Variants in BOC observed in about 807,000 individuals in gnomAD.
The protein encoded by BOC is brother of CDO.
A neutral mutation model predicts 112.0 loss-of-function variants in BOC; 76 were observed. That is an observed-to-expected ratio of 0.68 (90% CI 0.56 to 0.82). The LOEUF (loss-of-function observed/expected upper bound fraction) is 0.82, where lower values mean the gene tolerates loss of function less well. Among genes scored for constraint, BOC ranks in the 40% least tolerant of loss-of-function variants. BOC has a pLI of 0.00. For synonymous variants in BOC, 580 were observed against 599.8 expected (o/e 0.97, Z 0.48); for missense variants, 1,309 against 1,511.7 (o/e 0.87, Z 2.22).
chr3:113,251,506 T>A (rs1490966437), intron 4 of BOC: 1 of 153,566 alleles, frequency 6.5e-6, no homozygotes, highest in Admixed American at 6.4e-5. Flanking sequence ...CTACCTTTTT[T>A]TTTTCTGGTT....
At chr3:113,271,419 C>T (rs1228147692) in intron 6 of BOC, 14 of 343,252 alleles carry the variant, frequency 4.1e-5, no homozygotes, top group Non-Finnish European at 8.1e-5. Context: ...TTCCGGGAGG[C>T]CCACATGCTC....
rs1401338809 is a variant in BOC, at chr3:113,249,816, C to A, written c.14C>A (p.Thr5Lys). The A allele has an allele frequency of 6.2e-7, 1 of 1,612,828 alleles. No homozygotes were observed. Among genetic ancestry groups the A allele is most frequent in the South Asian group, 1.1e-5 (1 of 90,906 alleles). MLRGTMTAWRGMRPE... is the reference protein window; with the variant it reads MLRGKMTAWRGMRPE... ...TTGTGATACACCATGCTGCGTGGGA[C>A]GATGACGGCGTGGAGAGGAATGAGG... Residue 5 changes from threonine (T) to lysine (K), a missense_variant, in exon 3 of 20, where the codon ACG becomes AAG. Transcript: ENST00000682979.
intron 9 of BOC, among the ~76,000 whole-genome samples, chr3:113,276,048 A>G (rs890690919): frequency 6.6e-6 from 1 of 152,248 alleles, no homozygotes; most frequent in African/African-American, 2.4e-5. Context: ...AACAAAAAGC[A>G]GCATTGTTCA....
rs541646866 is a variant in BOC, at chr3:113,285,491, T to C, written c.3086T>C (p.Val1029Ala). Reference sequence around the variant, plus strand: ...CAACGCCAGGAGCAGCCTGCTGCTGTGGGCCAGTCAGGGGTGAGGAGAGCC... The same window carrying C: ...CAACGCCAGGAGCAGCCTGCTGCTGCGGGCCAGTCAGGGGTGAGGAGAGCC... Reference protein sequence around the residue: ...CCQRQEQPAAVGQSGVRRAPD... With the variant: ...CCQRQEQPAAAGQSGVRRAPD... The change falls in exon 19 of 20, where the codon GTG (valine) becomes GCG (alanine). Residue 1029 changes from valine (V) to alanine (A), a missense_variant. Val to Ala is a moderately conservative substitution (Grantham distance 64). Transcript: ENST00000682979. 68 of 1,614,008 alleles carry C rather than the reference T, an allele frequency of 4.2e-5. No homozygotes were observed. The highest frequency in any genetic ancestry group is 6.7e-5 in the Admixed American group (4 of 60,028).
chr3:113,235,741 C>G (rs146792011), intron 2 of BOC, among the ~76,000 whole-genome samples: 2 of 152,300 alleles, frequency 1.3e-5, no homozygotes, highest in East Asian at 1.9e-4. Flanking sequence ...TTCCCCAGAC[C>G]TATTTCAAGG....
At chr3:113,224,081 T>C (rs905457060) in intron 2 of BOC, among the ~76,000 whole-genome samples, 1 of 152,204 alleles carries the variant, frequency 6.6e-6, no homozygotes, top group African/African-American at 2.4e-5. Flanking sequence ...CGATAGTTTG[T>C]TTTACTTGCT....
chr3:113,246,093 T>TTTG (rs1265141837), intron 2 of BOC, among the ~76,000 whole-genome samples: 2 of 152,200 alleles, frequency 1.3e-5, no homozygotes, highest in African/African-American at 4.8e-5. Flanking sequence ...CAGAGTGTGT[T>TTTG]TTGTTGTTGT....
intron 5 of BOC, 131 bp downstream of exon 5, chr3:113,268,576 C>A (rs1010782376): frequency 3.7e-4 from 306 of 817,878 alleles, no homozygotes; most frequent in Non-Finnish European, 5.4e-4. Context: ...TGCCAGCAGC[C>A]CTGTCCTCAT....
intron 2 of BOC, among the ~76,000 whole-genome samples, chr3:113,243,772 T>A (rs1047765141): frequency 2.6e-5 from 4 of 152,190 alleles, no homozygotes; most frequent in African/African-American, 4.8e-5. Flanking sequence ...CAAATCCCAT[T>A]TCCAGAACAC....
intron 2 of BOC, among the ~76,000 whole-genome samples, chr3:113,217,658 C>T (rs1179452111): frequency 6.6e-6 from 1 of 152,178 alleles, no homozygotes; most frequent in Non-Finnish European, 1.5e-5. Context: ...TCTTTTATCT[C>T]TCCTTGTATG....
intron 1 of BOC, chr3:113,212,550 T>A (rs537845083): frequency 7.6e-4 from 116 of 152,228 alleles, no homozygotes; most frequent in African/African-American, 2.7e-3. Flanking sequence ...TGGCGTCTTC[T>A]AAAGGAAAAA....
intron 2 of BOC, among the ~76,000 whole-genome samples, chr3:113,224,369 G>A (rs1277709155): frequency 1.3e-5 from 2 of 152,138 alleles, no homozygotes; most frequent in African/African-American, 2.4e-5. Flanking sequence ...AGTCAGCCTC[G>A]AAGACTAGGA....
At chr3:113,284,676 C>A in intron 17 of BOC, 106 bp from the exon 18 acceptor site, 1 of 1,521,198 alleles carries the variant, frequency 6.6e-7, no homozygotes, top group South Asian at 1.1e-5. Flanking sequence ...GGCTGCTGGG[C>A]CAGGCTTTCT....
intron 7 of BOC, 69 bp from the exon 8 acceptor site, chr3:113,273,000 C>T: frequency 6.5e-7 from 1 of 1,527,208 alleles, no homozygotes. Flanking sequence ...TAACTACATC[C>T]CTCCCAGCCC....
Position 113,245,637 on chromosome 3 carries a change from A to G in BOC, c.-81-4085A>G, listed in dbSNP as rs552578980. ...ATTCTTACTCTAGAAAACTGGGAGCATGCAAAATGAAAAGTAACTTGGAGC... is the reference window on the plus strand; with the variant it reads ...ATTCTTACTCTAGAAAACTGGGAGCGTGCAAAATGAAAAGTAACTTGGAGC... On this transcript the variant is annotated intron_variant, in intron 2 of 19. Transcript: ENST00000682979. Among the ~76,000 whole-genome samples the G allele has an allele frequency of 3.7e-4, 56 of 152,356 alleles. 1 individual carries two copies. The South Asian group carries it at 0.011, about 30-fold the overall frequency.
Position 113,220,243 on chromosome 3 carries a change from C to T in BOC, c.-82+3969C>T, listed in dbSNP as rs78881951. Among the ~76,000 whole-genome samples, 87 of 152,314 alleles carry T rather than the reference C, an allele frequency of 5.7e-4. 1 individual carries two copies. The East Asian group carries it at 0.014, about 25-fold the overall frequency. On this transcript the variant is annotated intron_variant, in intron 2 of 19. Transcript: ENST00000682979. ...CAGAACAGTAACGCAGACCTCTCTA[C>T]TGGCTTAGGAGAGTGATGGCAATTT... is the stretch of plus-strand genomic sequence containing the variant.
chr3:113,213,519 G>A (rs73853783), intron 1 of BOC, among the ~76,000 whole-genome samples: 2,015 of 152,302 alleles, frequency 0.013, 54 homozygotes, highest in African/African-American at 0.046. Context: ...GGGCAGCATG[G>A]AAAATATTAA....
At chr3:113,242,125 A>C (rs1187001948) in intron 2 of BOC, among the ~76,000 whole-genome samples, 1 of 151,492 alleles carries the variant, frequency 6.6e-6, no homozygotes, top group African/African-American at 2.4e-5. Flanking sequence ...CCAAAAACAA[A>C]AAAAAAAAAA....
intron 2 of BOC, among the ~76,000 whole-genome samples, chr3:113,235,968 T>C (rs540942784): frequency 2.6e-5 from 4 of 152,020 alleles, no homozygotes; most frequent in African/African-American, 7.2e-5. Flanking sequence ...TTGTTGGAAA[T>C]GTAACTTAGC....
Sources: gnomAD v4.1 joint callset for allele counts (sites outside exome capture counted in the v4.1 genomes callset) on GRCh38, gnomAD v4.1.1 for gene constraint, MANE v1.5 for transcripts, NCBI Gene and HGNC (gene_info 2026-07-23, HGNC 2026-07-21) for gene names.